The following ASTN2 variants were observed in gnomAD, a reference collection of about 807,000 sequenced individuals.
ASTN2 encodes astrotactin-2.
In ASTN2, 54 loss-of-function variants were observed where a neutral mutation model predicts 139.8. The observed-to-expected ratio is 0.39, with a 90% confidence interval of 0.31 to 0.48. The LOEUF (loss-of-function observed/expected upper bound fraction) is 0.48, where lower values mean the gene tolerates loss of function less well. Among genes scored for constraint, ASTN2 ranks in the 20% least tolerant of loss-of-function variants. The pLI, the probability that ASTN2 is intolerant of heterozygous loss-of-function variation, is 0.95. For missense variants in ASTN2, 1,565 were observed against 1,725.1 expected (o/e 0.91, Z 1.64); for synonymous variants, 756 against 719.5 (o/e 1.05, Z -0.81).
intron 3 of ASTN2, among the ~76,000 whole-genome samples, chr9:117,159,642 T>C (rs1449264081): frequency 6.6e-6 from 1 of 152,098 alleles, no homozygotes; most frequent in Non-Finnish European, 1.5e-5. Context: ...TATCAGGTGC[T>C]TGATATAGAT....
chr9:116,878,021 C>T (rs910823366), intron 10 of ASTN2, among the ~76,000 whole-genome samples: 1 of 152,148 alleles, frequency 6.6e-6, no homozygotes, highest in Admixed American at 6.5e-5. Flanking sequence ...CCATCTCACG[C>T]CAGTCTGAAT....
chr9:116,563,381 A>C (rs975932499), intron 19 of ASTN2, among the ~76,000 whole-genome samples: 1 of 105,224 alleles, frequency 9.5e-6, no homozygotes, highest in South Asian at 2.5e-4. Flanking sequence ...TCTCAAAAAA[A>C]TAAAAATAAA....
chr9:117,392,225 T>C (rs1830560031), intron 1 of ASTN2, among the ~76,000 whole-genome samples: 1 of 152,182 alleles, frequency 6.6e-6, no homozygotes, highest in Non-Finnish European at 1.5e-5. Flanking sequence ...TAGTAACTTA[T>C]AGCAAGGTAG....
chr9:116,800,723 C>A (rs1416433198), intron 13 of ASTN2, among the ~76,000 whole-genome samples: 2 of 152,188 alleles, frequency 1.3e-5, no homozygotes, highest in Non-Finnish European at 2.9e-5. Flanking sequence ...CAGAAGCTAA[C>A]TTTCAGCATG....
chr9:116,445,917 A>G (rs1294721558), intron 20 of ASTN2, among the ~76,000 whole-genome samples: 4 of 152,142 alleles, frequency 2.6e-5, no homozygotes, highest in Admixed American at 2.0e-4. Context: ...GGGGTGGAGA[A>G]AGAGGAAGAC....
At chr9:116,932,262 A>C (rs1245008132) in intron 10 of ASTN2, among the ~76,000 whole-genome samples, 1 of 152,152 alleles carries the variant, frequency 6.6e-6, no homozygotes, top group African/African-American at 2.4e-5. Flanking sequence ...ACCTTCTTAG[A>C]GTGCCATCTA....
chr9:117,280,628 G>A (rs1834302804), intron 2 of ASTN2, among the ~76,000 whole-genome samples: 2 of 152,154 alleles, frequency 1.3e-5, no homozygotes, highest in African/African-American at 4.8e-5. Context: ...TCGAGCCCCA[G>A]GGAGAGTGTG....
At chr9:117,058,225 C>T (rs916597456) in intron 5 of ASTN2, among the ~76,000 whole-genome samples, 1 of 152,088 alleles carries the variant, frequency 6.6e-6, no homozygotes, top group Non-Finnish European at 1.5e-5. Context: ...GAGGCTTTAA[C>T]CAATTCCTTA....
chr9:117,022,263 T>C (rs1041921958), intron 6 of ASTN2, among the ~76,000 whole-genome samples: 1 of 151,988 alleles, frequency 6.6e-6, no homozygotes, highest in African/African-American at 2.4e-5. Context: ...AAATTAAAAG[T>C]TGTTCCAAGC....
At chr9:117,402,661 A>G (rs1209952387) in intron 1 of ASTN2, among the ~76,000 whole-genome samples, 1 of 152,242 alleles carries the variant, frequency 6.6e-6, no homozygotes, top group Non-Finnish European at 1.5e-5. Context: ...AAGTATGTCC[A>G]AAATACTGCA....
chr9:117,025,384 T>A (rs895758108), intron 6 of ASTN2, among the ~76,000 whole-genome samples: 1 of 152,160 alleles, frequency 6.6e-6, no homozygotes, highest in African/African-American at 2.4e-5. Flanking sequence ...GAAGCTGCCA[T>A]CTTTAATTGA....
At chr9:116,847,309 T>G (rs1312316064) in intron 11 of ASTN2, among the ~76,000 whole-genome samples, 1 of 152,062 alleles carries the variant, frequency 6.6e-6, no homozygotes, top group Non-Finnish European at 1.5e-5. Context: ...AGAGACGGCG[T>G]TTCACTATGT....
At chr9:117,329,592 C>T (rs1828636309) in intron 1 of ASTN2, among the ~76,000 whole-genome samples, 1 of 152,100 alleles carries the variant, frequency 6.6e-6, no homozygotes, top group Non-Finnish European at 1.5e-5. Flanking sequence ...CTCTGCTATT[C>T]TTAGTCAACC....
chr9:117,235,006 G>A (rs1056808499), intron 2 of ASTN2, among the ~76,000 whole-genome samples: 1 of 152,336 alleles, frequency 6.6e-6, no homozygotes, highest in East Asian at 1.9e-4. Flanking sequence ...GGCTGAGGCA[G>A]GTGGATCACC....
At chr9:116,707,047 C>CTCTT (rs1200316179) in intron 16 of ASTN2, among the ~76,000 whole-genome samples, 2 of 151,792 alleles carry the variant, frequency 1.3e-5, no homozygotes, top group Admixed American at 6.6e-5. Flanking sequence ...AGAGGAATGA[C>CTCTT]TCTTACCCTG....
At chr9:116,561,112 G>A (rs1852890763) in intron 19 of ASTN2, among the ~76,000 whole-genome samples, 1 of 152,108 alleles carries the variant, frequency 6.6e-6, no homozygotes, top group Admixed American at 6.6e-5. Flanking sequence ...GAGAGAGAGA[G>A]TGTGTCCCTG....
intron 17 of ASTN2, among the ~76,000 whole-genome samples, chr9:116,641,724 T>A (rs992312825): frequency 2.6e-5 from 4 of 152,186 alleles, no homozygotes; most frequent in African/African-American, 9.7e-5. Context: ...AATCTGGTAG[T>A]CTTCAGGTCC....
chr9:116,973,560 G>A lies in ASTN2; in HGVS notation c.1889+1648C>T, dbSNP rs113913779. Among the ~76,000 whole-genome samples, 225 of 152,318 alleles carry A rather than the reference G, an allele frequency of 1.5e-3. 1 individual carries two copies. The highest frequency in any genetic ancestry group is 5.1e-3 in the African/African-American group (213 of 41,568). On this transcript the variant is annotated intron_variant, in intron 10 of 22. Transcript: ENST00000313400. ...TGCAATGTCAACAGGACAGAACTAT[G>A]AGGAAAGCTAGTCAAGACTTTCTTT...
chr9:116,427,713 G>A (rs947412173), intron 22 of ASTN2, among the ~76,000 whole-genome samples: 1 of 152,240 alleles, frequency 6.6e-6, no homozygotes, highest in Non-Finnish European at 1.5e-5. Flanking sequence ...TTTATGAGGT[G>A]CCTTTCAAAA....
Sources: gnomAD v4.1 joint callset for allele counts (sites outside exome capture counted in the v4.1 genomes callset) on GRCh38, gnomAD v4.1.1 for gene constraint, MANE v1.5 for transcripts, NCBI Gene and HGNC (gene_info 2026-07-23, HGNC 2026-07-21) for gene names.